The following RAPGEF4 variants were observed in gnomAD, a reference collection of about 807,000 sequenced individuals.
RAPGEF4 encodes Rap guanine nucleotide exchange factor 4, also known as RAP guanine-nucleotide-exchange factor (GEF) 4.
A neutral mutation model predicts 147.9 loss-of-function variants in RAPGEF4; 66 were observed. The observed-to-expected ratio is 0.45, with a 90% CI of 0.37 to 0.55. The LOEUF is 0.55. RAPGEF4 is among the 20% of genes least tolerant of loss of function. The pLI, the probability that RAPGEF4 is intolerant of heterozygous loss-of-function variation, is 0.00. For missense variants in RAPGEF4, 1,071 were observed against 1,257.3 expected, an observed-to-expected ratio of 0.85 and a Z score of 2.24; for synonymous variants, 419 against 442.7, an observed-to-expected ratio of 0.95 and a Z score of 0.67.
At chr2:172,992,101 T>C (rs573731826) in intron 15 of RAPGEF4, among the ~76,000 whole-genome samples, 1 of 152,266 alleles carries the variant, frequency 6.6e-6, no homozygotes, top group South Asian at 2.1e-4. Flanking sequence ...CAGCTTACTA[T>C]AACAAAATAT....
At chr2:172,980,861 G>C (rs1205476701) in intron 10 of RAPGEF4, among the ~76,000 whole-genome samples, 9 of 152,082 alleles carry the variant, frequency 5.9e-5, no homozygotes, top group African/African-American at 1.2e-4. Flanking sequence ...CTGTTGCCCA[G>C]GCTGGTCTCA....
rs867338115 is a variant in RAPGEF4, at chr2:172,902,716, A to G, written c.445-15086A>G. Among the ~76,000 whole-genome samples, 3 of 152,302 alleles carry G rather than the reference A, an allele frequency of 2.0e-5. No homozygotes were observed. In the South Asian group the frequency reaches 6.2e-4, roughly 32 times the overall value. On this transcript the variant is annotated intron_variant, in intron 4 of 30. Transcript: ENST00000397081. ...AATGTAGGGCCTAATCTGTTATTTG[A>G]TGATATAAAGTATGGGCCTGGGTGA...
chr2:173,005,601 C>A (rs898815758), intron 17 of RAPGEF4, among the ~76,000 whole-genome samples: 1 of 139,126 alleles, frequency 7.2e-6, no homozygotes, highest in African/African-American at 2.7e-5. Context: ...TGGCTCACTG[C>A]AACCTCCGCC....
At chr2:173,015,226 G>C (rs1288315671) in intron 18 of RAPGEF4, among the ~76,000 whole-genome samples, 1 of 152,162 alleles carries the variant, frequency 6.6e-6, no homozygotes, top group Non-Finnish European at 1.5e-5. Context: ...AACTGGAAAT[G>C]GTAGGCTGTG....
Position 172,933,675 on chromosome 2 carries a change from G to A in RAPGEF4, c.537+11375G>A, listed in dbSNP as rs191813286. 8.7e-4 allele frequency among the ~76,000 whole-genome samples: 132 copies of A among 152,250 alleles called. 1 individual carries two copies. Among genetic ancestry groups the A allele is most frequent in the African/African-American group, 3.1e-3 (127 of 41,532 alleles). On this transcript the variant is annotated intron_variant, in intron 6 of 30. Coordinates refer to ENST00000397081, the MANE Select transcript of RAPGEF4 (RefSeq NM_007023.4). ...ACATAAATCAGCAAGAATTTTATCA[G>A]GTTTGTTTTGGCCCCTATTATATGT...
At chr2:173,016,513 T>G in intron 19 of RAPGEF4, 76 bp downstream of exon 19, 3 of 1,250,834 alleles carry the variant, frequency 2.4e-6, no homozygotes, top group Non-Finnish European at 3.5e-6. Context: ...CAAGAAAGGT[T>G]AAAGCTGGTC....
intron 6 of RAPGEF4, among the ~76,000 whole-genome samples, chr2:172,955,502 TC>T (rs957192713): frequency 6.6e-6 from 1 of 152,102 alleles, no homozygotes; most frequent in African/African-American, 2.4e-5. Flanking sequence ...CCTTTATCTG[TC>T]CCCCCTGCCT....
intron 30 of RAPGEF4, 28 bp from the exon 31 acceptor site, chr2:173,051,612 C>T (rs1204525286): frequency 1.9e-6 from 3 of 1,607,032 alleles, no homozygotes; most frequent in East Asian, 4.5e-5. Context: ...TTACACAATG[C>T]CAATTCTGCC....
At chr2:173,040,515 G>GA (rs1326200964) in intron 29 of RAPGEF4, among the ~76,000 whole-genome samples, 1 of 152,152 alleles carries the variant, frequency 6.6e-6, no homozygotes, top group African/African-American at 2.4e-5. Context: ...TCCCCAGAAG[G>GA]AGCCCCTGCC....
chr2:172,879,529 A>T (rs749331997), intron 4 of RAPGEF4, among the ~76,000 whole-genome samples: 1 of 152,152 alleles, frequency 6.6e-6, no homozygotes, highest in Non-Finnish European at 1.5e-5. Context: ...ATTTTATTAC[A>T]TCTCTATTAC....
chr2:172,980,396 T>A (rs971878185), intron 10 of RAPGEF4, among the ~76,000 whole-genome samples: 1 of 152,200 alleles, frequency 6.6e-6, no homozygotes, highest in East Asian at 1.9e-4. Context: ...TAGATGGAAG[T>A]TGAGGGTTTT....
At chr2:172,913,159 G>A (rs1391701761) in intron 4 of RAPGEF4, among the ~76,000 whole-genome samples, 1 of 152,020 alleles carries the variant, frequency 6.6e-6, no homozygotes, top group African/African-American at 2.4e-5. Flanking sequence ...GACTCCCAAA[G>A]TGCTGGGATT....
intron 1 of RAPGEF4, among the ~76,000 whole-genome samples, chr2:172,788,478 A>G (rs554811867): frequency 2.6e-5 from 4 of 152,316 alleles, no homozygotes; most frequent in Admixed American, 6.5e-5. Flanking sequence ...GTAACAAATT[A>G]TGATGAACTT....
chr2:172,986,660 C>A lies in RAPGEF4; in HGVS notation c.1150+1167C>A, dbSNP rs548560970. On this transcript the variant is annotated intron_variant, in intron 12 of 30. Coordinates refer to ENST00000397081, the MANE Select transcript of RAPGEF4 (RefSeq NM_007023.4). ...AGTATATTACAATTACCTTCTTAAT[C>A]TTTGTCAGATAATAACATGCCATTT... 2.0e-5 allele frequency among the ~76,000 whole-genome samples: 3 copies of A among 151,078 alleles called. No individual in the cohort carries two copies. The East Asian group carries it at 5.8e-4, about 29-fold the overall frequency.
At chr2:172,814,752 T>C (rs1688343174) in intron 4 of RAPGEF4, 2 of 321,978 alleles carry the variant, frequency 6.2e-6, no homozygotes, top group East Asian at 1.4e-4. Context: ...CAAAATACTT[T>C]GACATTTTCT....
At chr2:172,767,867 C>CATGGGG (rs1696994402) in intron 1 of RAPGEF4, among the ~76,000 whole-genome samples, 1 of 151,930 alleles carries the variant, frequency 6.6e-6, no homozygotes, top group African/African-American at 2.4e-5. Context: ...TTTTGAGACA[C>CATGGGG]AGTCTCCCCA....
chr2:173,047,491 G>A (rs1685621803), intron 29 of RAPGEF4, among the ~76,000 whole-genome samples: 1 of 152,110 alleles, frequency 6.6e-6, no homozygotes, highest in Non-Finnish European at 1.5e-5. Flanking sequence ...ACAATGCAAT[G>A]TGAAAAATTT....
intron 29 of RAPGEF4, among the ~76,000 whole-genome samples, chr2:173,040,009 G>A (rs1011013202): frequency 2.0e-5 from 3 of 152,030 alleles, no homozygotes; most frequent in Admixed American, 6.5e-5. Context: ...GGCCAACATG[G>A]TGAAACTCCA....
At chr2:172,772,443 A>G (rs1431316630) in intron 1 of RAPGEF4, among the ~76,000 whole-genome samples, 1 of 151,894 alleles carries the variant, frequency 6.6e-6, no homozygotes, top group Non-Finnish European at 1.5e-5. Context: ...TCCCAGGTTC[A>G]AGCAATTCTC....
Sources: gnomAD v4.1 joint callset for allele counts (sites outside exome capture counted in the v4.1 genomes callset) on GRCh38, gnomAD v4.1.1 for gene constraint, MANE v1.5 for transcripts, NCBI Gene and HGNC (gene_info 2026-07-23, HGNC 2026-07-21) for gene names.